Variants in ENDOV observed in about 807,000 individuals in gnomAD.
ENDOV encodes endonuclease V.
In ENDOV, 37 loss-of-function variants were observed where a neutral mutation model predicts 39.4. The observed-to-expected ratio is 0.94, with a 90% CI of 0.72 to 1.23. ENDOV has a LOEUF of 1.23. Among genes scored for constraint, ENDOV ranks in the 50% most tolerant of loss-of-function variants. The probability of loss-of-function intolerance (pLI) is 0.00; values close to 1 mark genes in which losing one functional copy is unlikely to be tolerated. For missense variants in ENDOV, 441 were observed against 375.7 expected (o/e 1.17, Z -1.44); for synonymous variants, 186 against 163.4 (o/e 1.14, Z -1.05).
chr17:80,421,842 G>C lies in ENDOV; in HGVS notation c.243G>C (p.Glu81Asp). 1.3e-6 allele frequency: 2 copies of C among 1,598,858 alleles called. No homozygotes were observed. The highest frequency in any genetic ancestry group is 1.7e-6 in the Non-Finnish European group (2 of 1,173,242). The part of the protein sequence containing the change: ...SFPELEVVYE[E>D]SRMVSLTAPY... ...CCTGGTGTCAGGTGGTGTATGAGGA[G>C]AGCCGCATGGTCAGCCTCACAGCCC... The change falls in exon 3 of 10, where the codon GAG becomes GAC. Residue 81 changes from glutamate to aspartate, a missense_variant. Physicochemically the swap from Glu to Asp is conservative, Grantham distance 45. Coordinates refer to ENST00000518137, the MANE Select transcript of ENDOV (RefSeq NM_173627.5).
chr17:80,428,665 G>T lies in ENDOV; in HGVS notation c.779+5G>T. The T allele has an allele frequency of 6.3e-7, 1 of 1,575,258 alleles. No individual in the cohort carries two copies. Among genetic ancestry groups the T allele is most frequent in the Non-Finnish European group, 8.6e-7 (1 of 1,160,754 alleles). On this transcript the variant is annotated splice_donor_5th_base_variant and intron_variant, in intron 8 of 9. Coordinates refer to ENST00000518137, the MANE Select transcript of ENDOV (RefSeq NM_173627.5). The stretch of plus-strand genomic sequence containing the variant: ...CCCCGGGCCACCCACACCGAGGTGA[G>T]CACCCAGGGAGGCTGGGGCACTAAA...
rs769979099 is a variant in ENDOV at position 80,429,785 on chromosome 17, G to T, written c.792G>T (p.Ala264=). ...PGPPTPRSPK[A]QRPVACPKGD... is the part of the protein sequence containing the mutation. The stretch of plus-strand genomic sequence containing the variant: ...ATGTCATCACCAGGAGCCCGAAGGC[G>T]CAGAGGCCAGTGGCATGCCCCAAAG... Residue 264 remains alanine (A), a synonymous_variant, in exon 9 of 10, where the codon GCG becomes GCT. Coordinates refer to ENST00000518137, the MANE Select transcript of ENDOV (RefSeq NM_173627.5). 3.1e-6 allele frequency: 5 copies of T among 1,604,042 alleles called. No homozygotes were observed. The highest frequency in any genetic ancestry group is 3.4e-6 in the Non-Finnish European group (4 of 1,177,190).
At chr17:80,418,302 C>T (rs975268516) in intron 2 of ENDOV, 1 of 152,350 alleles carries the variant, frequency 6.6e-6, no homozygotes, top group East Asian at 1.9e-4. Context: ...GCATTCCCTT[C>T]CCCCTCCAAC....
At chr17:80,419,955 G>A in intron 2 of ENDOV, 4 of 378,864 alleles carry the variant, frequency 1.1e-5, no homozygotes, top group Non-Finnish European at 1.9e-5. Flanking sequence ...ATCATACAGT[G>A]ATTTTTCTTT....
At chr17:80,419,340 T>C (rs1022069193) in intron 2 of ENDOV, 20 of 492,090 alleles carry the variant, frequency 4.1e-5, no homozygotes, top group African/African-American at 2.3e-4. Context: ...TGAAGAACAC[T>C]GTCCTTAGCA....
At chr17:80,426,691 G>C (rs41300758) in intron 7 of ENDOV, among the ~76,000 whole-genome samples, 2,126 of 152,332 alleles carry the variant, frequency 0.014, 55 homozygotes, top group African/African-American at 0.048. Context: ...GGAAGGTGTG[G>C]CCGGAGCCAG....
At position 80,421,978 on chromosome 17, in the gene ENDOV, C is replaced by G. The variant is rs758518684; in HGVS notation, c.363+16C>G. ...CATGCCCCAGGCAGGTGTCTCATCC[C>G]TAGGACGAGAGAAAGGTCCCTCCTT... On this transcript the variant is annotated intron_variant, in intron 3 of 9. Coordinates refer to ENST00000518137, the MANE Select transcript of ENDOV (RefSeq NM_173627.5). 5 of 1,605,880 alleles carry G rather than the reference C, an allele frequency of 3.1e-6. No homozygotes were observed. Among genetic ancestry groups the G allele is most frequent in the Non-Finnish European group, 4.2e-6 (5 of 1,179,394 alleles).
At chr17:80,428,485 G>A in intron 7 of ENDOV, 111 bp from the exon 8 acceptor site, 1 of 1,032,474 alleles carries the variant, frequency 9.7e-7, no homozygotes, top group South Asian at 1.5e-5. Context: ...TGTGACCTGT[G>A]TGTCCTGAGT....
intron 7 of ENDOV, chr17:80,427,825 G>A (rs2082905174): frequency 7.0e-6 from 9 of 1,285,448 alleles, no homozygotes; most frequent in African/African-American, 1.5e-5. Flanking sequence ...CTCCTGCCAG[G>A]CCAGGCTGGG....
intron 5 of ENDOV, 176 bp downstream of exon 5, chr17:80,423,808 C>T (rs1374935820): frequency 9.5e-6 from 6 of 633,040 alleles, no homozygotes; most frequent in Non-Finnish European, 1.6e-5. Context: ...CATTGCCTGT[C>T]TCAGCTGAGG....
chr17:80,431,962 G>A (rs1411457428), intron 9 of ENDOV, among the ~76,000 whole-genome samples: 1 of 152,184 alleles, frequency 6.6e-6, no homozygotes, highest in Non-Finnish European at 1.5e-5. Flanking sequence ...GAGGTTGTGT[G>A]GACCCTGTCT....
At chr17:80,420,279 C>T (rs2081822933) in intron 2 of ENDOV, 3 of 152,394 alleles carry the variant, frequency 2.0e-5, no homozygotes, top group African/African-American at 7.2e-5. Context: ...CAGATGTAAG[C>T]AGCCACGCCC....
At chr17:80,426,465 A>G (rs977478351) in intron 7 of ENDOV, among the ~76,000 whole-genome samples, 15 of 151,902 alleles carry the variant, frequency 9.9e-5, no homozygotes, top group African/African-American at 3.6e-4. Context: ...CCTAGGCAAC[A>G]TAGACCCCGT....
At chr17:80,436,035 G>A (rs41303548) in intron 9 of ENDOV, 98 bp from the exon 10 acceptor site, 36 of 1,366,584 alleles carry the variant, frequency 2.6e-5, no homozygotes, top group Admixed American at 1.3e-4. Context: ...GATTACAGGC[G>A]CGAGCCACTG....
At chr17:80,432,385 T>A (rs2083382718) in intron 9 of ENDOV, among the ~76,000 whole-genome samples, 1 of 151,924 alleles carries the variant, frequency 6.6e-6, no homozygotes, top group African/African-American at 2.4e-5. Context: ...AGCACCCCTG[T>A]GGAGTCCTGT....
At chr17:80,430,041 G>A (rs1407382511) in intron 9 of ENDOV, 1 of 1,535,736 alleles carries the variant, frequency 6.5e-7, no homozygotes, top group Non-Finnish European at 8.7e-7. Flanking sequence ...TCAGCCGCAG[G>A]TGGAGCACCC....
At chr17:80,432,862 C>T (rs984398475) in intron 9 of ENDOV, among the ~76,000 whole-genome samples, 5 of 152,156 alleles carry the variant, frequency 3.3e-5, no homozygotes, top group African/African-American at 9.7e-5. Context: ...TCCCCGAGGG[C>T]ACTCGTGGGA....
intron 2 of ENDOV, chr17:80,420,331 C>T (rs1306229977): frequency 6.6e-6 from 1 of 152,294 alleles, no homozygotes; most frequent in African/African-American, 2.4e-5. Flanking sequence ...CCACATGTCA[C>T]TGTGCAAAGT....
intron 4 of ENDOV, among the ~76,000 whole-genome samples, chr17:80,423,297 C>G: frequency 6.6e-6 from 1 of 152,376 alleles, no homozygotes; most frequent in Non-Finnish European, 1.5e-5. Flanking sequence ...CTGACCGTGT[C>G]AGAGAGAAGG....
Sources: allele counts gnomAD v4.1 joint callset (sites outside exome capture counted in the v4.1 genomes callset), GRCh38; gene constraint gnomAD v4.1.1; transcripts MANE v1.5; gene names NCBI Gene and HGNC (gene_info 2026-07-23, HGNC 2026-07-21).